The following TENM4 variants were observed in gnomAD, a reference collection of about 807,000 sequenced individuals.
TENM4 encodes teneurin-4.
In TENM4, 82 loss-of-function variants were observed where a neutral mutation model predicts 243.3. The ratio of observed to expected loss-of-function variants is 0.34; its 90% CI spans 0.28 to 0.40. The LOEUF is 0.40. Ranked by LOEUF, TENM4 falls within the 10% of genes least tolerant of loss-of-function variation. The probability of loss-of-function intolerance (pLI) is 1.00; values close to 1 mark genes in which losing one functional copy is unlikely to be tolerated. For missense variants in TENM4, 3,138 were observed against 3,673.3 expected (o/e 0.85, Z 3.77); for synonymous variants, 1,412 against 1,456.3 (o/e 0.97, Z 0.69).
chr11:79,087,110 C>T (rs1300453066), intron 4 of TENM4, among the ~76,000 whole-genome samples: 2 of 152,142 alleles, frequency 1.3e-5, no homozygotes, highest in African/African-American at 4.8e-5. Context: ...TAAATAATGG[C>T]TAATTGAACA....
At chr11:79,397,650 G>T (rs1858373349) in intron 1 of TENM4, among the ~76,000 whole-genome samples, 1 of 152,232 alleles carries the variant, frequency 6.6e-6, no homozygotes, top group Non-Finnish European at 1.5e-5. Context: ...AAAGGGTTAG[G>T]AGGCTTTGTG....
At chr11:79,329,470 C>A (rs1179996871) in intron 1 of TENM4, among the ~76,000 whole-genome samples, 4 of 152,162 alleles carry the variant, frequency 2.6e-5, no homozygotes, top group Non-Finnish European at 5.9e-5. Context: ...AAGCAGCAAA[C>A]ATAAAAGACA....
intron 12 of TENM4, among the ~76,000 whole-genome samples, chr11:78,818,460 G>C (rs939243414): frequency 1.3e-5 from 2 of 152,236 alleles, no homozygotes; most frequent in African/African-American, 4.8e-5. Flanking sequence ...ACTGGTGTTA[G>C]AGAAGGCAGA....
At chr11:79,110,536 C>T (rs2137103263) in intron 4 of TENM4, among the ~76,000 whole-genome samples, 1 of 152,312 alleles carries the variant, frequency 6.6e-6, no homozygotes, top group South Asian at 2.1e-4. Context: ...TCACCAGCTG[C>T]CTCCTCTCCC....
At chr11:79,416,103 T>G (rs1431399942) in intron 1 of TENM4, among the ~76,000 whole-genome samples, 11 of 152,242 alleles carry the variant, frequency 7.2e-5, no homozygotes, top group Admixed American at 2.0e-4. Context: ...AACATTCCAT[T>G]TTATGGATAT....
At chr11:79,405,296 G>A (rs1415083135) in intron 1 of TENM4, among the ~76,000 whole-genome samples, 1 of 152,054 alleles carries the variant, frequency 6.6e-6, no homozygotes, top group Non-Finnish European at 1.5e-5. Context: ...CAACCCATGA[G>A]AAAGGAACTC....
intron 12 of TENM4, among the ~76,000 whole-genome samples, chr11:78,852,103 C>T (rs1858553850): frequency 6.6e-6 from 1 of 152,234 alleles, no homozygotes; most frequent in Non-Finnish European, 1.5e-5. Context: ...AGGAGGCAGA[C>T]AAGATCCTGT....
chr11:79,421,746 G>T (rs1858936579), intron 1 of TENM4, among the ~76,000 whole-genome samples: 1 of 151,900 alleles, frequency 6.6e-6, no homozygotes, highest in Non-Finnish European at 1.5e-5. Context: ...CAGTGCTTCT[G>T]CAGGGAGGCT....
rs1346695392 is a variant in TENM4 at position 78,726,232 on chromosome 11, A to T, written c.3407-10T>A. Reference sequence around the variant, plus strand: ...TCATAACCCACGGAAACTGTAGGTGACAGAATGAGGCAAAATGCATAAGTG... The same window carrying T: ...TCATAACCCACGGAAACTGTAGGTGTCAGAATGAGGCAAAATGCATAAGTG... On this transcript the variant is annotated splice_polypyrimidine_tract_variant and intron_variant, in intron 22 of 33. Transcript: ENST00000278550. The T allele has an allele frequency of 6.2e-7, 1 of 1,613,336 alleles. No homozygotes were observed. The highest frequency in any genetic ancestry group is 1.7e-5 in the Admixed American group (1 of 59,956).
chr11:79,009,078 G>A (rs967380632), intron 6 of TENM4, among the ~76,000 whole-genome samples: 2 of 152,124 alleles, frequency 1.3e-5, no homozygotes, highest in African/African-American at 4.8e-5. Flanking sequence ...TGGAGTCTTA[G>A]TGCTTTCCTG....
At chr11:78,695,260 G>T (rs1419663200) in intron 28 of TENM4, among the ~76,000 whole-genome samples, 3 of 152,076 alleles carry the variant, frequency 2.0e-5, no homozygotes. Context: ...TGTTGCCCAG[G>T]CTATTAGCAT....
chr11:78,801,251 C>G (rs560707255), intron 15 of TENM4, among the ~76,000 whole-genome samples: 5 of 152,140 alleles, frequency 3.3e-5, no homozygotes, highest in Non-Finnish European at 5.9e-5. Flanking sequence ...ATCTGTTTAA[C>G]AGCAACAGCA....
At position 78,720,407 on chromosome 11, in the gene TENM4, G is replaced by C. The variant is rs764260615; in HGVS notation, c.3801-17C>G. 2 of 1,613,866 alleles carry C rather than the reference G, an allele frequency of 1.2e-6. No individual in the cohort carries two copies. The highest frequency in any genetic ancestry group is 4.5e-5 in the East Asian group (2 of 44,888). The stretch of plus-strand genomic sequence containing the variant: ...TCTTTATTTCTGACAGAAGACAGGA[G>C]AGCAGGGAATAGAAGAAAGAATGAG... On this transcript the variant is annotated splice_polypyrimidine_tract_variant and intron_variant, in intron 24 of 33. Coordinates refer to ENST00000278550, the MANE Select transcript of TENM4 (RefSeq NM_001098816.3).
At chr11:79,141,723 A>G (rs1591312095) in intron 4 of TENM4, among the ~76,000 whole-genome samples, 1 of 152,096 alleles carries the variant, frequency 6.6e-6, no homozygotes, top group East Asian at 1.9e-4. Flanking sequence ...AACTAGGCCA[A>G]TATGATTGAT....
chr11:78,676,453 AGAGGCGGTG>A, intron 29 of TENM4, 66 bp from the exon 30 acceptor site: 1 of 1,372,822 alleles, frequency 7.3e-7, no homozygotes, highest in Non-Finnish European at 9.9e-7. Context: ...TGAGGACAGC[AGAGGCGGTG>A]GAGGGGACTT....
chr11:79,049,884 T>G (rs1458396374), intron 6 of TENM4, among the ~76,000 whole-genome samples: 1 of 152,208 alleles, frequency 6.6e-6, no homozygotes, highest in Non-Finnish European at 1.5e-5. Context: ...GAAAAACTCT[T>G]GGAAGCTTTT....
chr11:79,247,315 G>A (rs368679075), intron 2 of TENM4, among the ~76,000 whole-genome samples: 4 of 151,432 alleles, frequency 2.6e-5, no homozygotes, highest in South Asian at 4.2e-4. Context: ...CACTCAGGAG[G>A]CTGAGGCAGG....
Position 78,817,830 on chromosome 11 carries a change from T to C in TENM4, c.1682-3435A>G, listed in dbSNP as rs573786948. Reference sequence around the variant, plus strand: ...TTGGCCATGTCACATGATCTTTCGGTACCTGTCTTCTCATTATTGCACTTG... The same window carrying C: ...TTGGCCATGTCACATGATCTTTCGGCACCTGTCTTCTCATTATTGCACTTG... On this transcript the variant is annotated intron_variant, in intron 12 of 33. Coordinates refer to ENST00000278550, the MANE Select transcript of TENM4 (RefSeq NM_001098816.3). Among the ~76,000 whole-genome samples the C allele has an allele frequency of 2.3e-4, 35 of 152,212 alleles. No individual in the cohort carries two copies. The South Asian group carries it at 7.3e-3, about 32-fold the overall frequency.
rs555018850 is a variant in TENM4 at position 79,361,168 on chromosome 11, C to T, written c.-320-63625G>A. On this transcript the variant is annotated intron_variant, in intron 1 of 33. Transcript: ENST00000278550. Reference sequence around the variant, plus strand: ...GATCCAGCAGGCATAATATCAGTGCCACCCCTCTGCAGAAATTGGGGAAGT... The same window carrying T: ...GATCCAGCAGGCATAATATCAGTGCTACCCCTCTGCAGAAATTGGGGAAGT... 1.3e-4 allele frequency among the ~76,000 whole-genome samples: 20 copies of T among 152,284 alleles called. No homozygotes were observed. In the South Asian group the frequency reaches 4.2e-3, roughly 32 times the overall value.
Sources: allele counts gnomAD v4.1 joint callset (sites outside exome capture counted in the v4.1 genomes callset), GRCh38; gene constraint gnomAD v4.1.1; transcripts MANE v1.5; gene names NCBI Gene and HGNC (gene_info 2026-07-23, HGNC 2026-07-21).